Variants in PRKG1 observed in about 807,000 individuals in gnomAD.
The protein encoded by PRKG1 is protein kinase cGMP-dependent 1, also known as cGMP-dependent protein kinase 1.
Under a neutral mutation model 88.1 loss-of-function variants are expected in PRKG1, and 35 were observed. The observed-to-expected ratio is 0.40, with a 90% CI of 0.30 to 0.53. The LOEUF is 0.53. Ranked by LOEUF, PRKG1 falls within the 20% of genes least tolerant of loss-of-function variation. PRKG1 has a pLI of 0.59. For synonymous variants in PRKG1, 303 were observed against 292.5 expected (o/e 1.04, Z -0.37); for missense variants, 540 against 839.8 (o/e 0.64, Z 4.41).
chr10:51,832,649 A>G (rs1840031391), intron 4 of PRKG1, among the ~76,000 whole-genome samples: 2 of 152,146 alleles, frequency 1.3e-5, no homozygotes, highest in Admixed American at 1.3e-4. Context: ...CAGGAGAAAA[A>G]GCATGTACAT....
intron 2 of PRKG1, among the ~76,000 whole-genome samples, chr10:51,178,945 A>G (rs760272489): frequency 2.0e-5 from 3 of 151,972 alleles, no homozygotes; most frequent in Non-Finnish European, 2.9e-5. Context: ...ACTGAATAAG[A>G]GAGCTTAATG....
At chr10:52,191,622 C>G (rs533061089) in intron 9 of PRKG1, among the ~76,000 whole-genome samples, 44 of 152,156 alleles carry the variant, frequency 2.9e-4, no homozygotes, top group African/African-American at 9.4e-4. Context: ...ACTTTTTGGG[C>G]AAGAAGATTT....
chr10:51,593,268 A>G (rs1464462518), intron 3 of PRKG1, among the ~76,000 whole-genome samples: 2 of 152,178 alleles, frequency 1.3e-5, no homozygotes, highest in Admixed American at 1.3e-4. Context: ...TCTTCAAGAG[A>G]AATGCTGATT....
chr10:51,207,507 T>C (rs1838093273), intron 2 of PRKG1, among the ~76,000 whole-genome samples: 1 of 145,820 alleles, frequency 6.9e-6, no homozygotes, highest in Admixed American at 6.8e-5. Context: ...TTATTATTAT[T>C]TTTTTTTAAT....
intron 3 of PRKG1, among the ~76,000 whole-genome samples, chr10:51,775,792 C>T (rs1365328315): frequency 1.1e-4 from 16 of 152,040 alleles, no homozygotes; most frequent in Admixed American, 1.0e-3. Context: ...CCATGTTGCC[C>T]AGGCTGGTGT....
intron 3 of PRKG1, among the ~76,000 whole-genome samples, chr10:51,684,342 G>A (rs1056543005): frequency 6.6e-6 from 1 of 152,122 alleles, no homozygotes; most frequent in Non-Finnish European, 1.5e-5. Context: ...TAAAAGAGTA[G>A]GAAGTGGATC....
chr10:51,310,997 G>C (rs1009091369), intron 2 of PRKG1, among the ~76,000 whole-genome samples: 2 of 152,130 alleles, frequency 1.3e-5, no homozygotes, highest in African/African-American at 4.8e-5. Flanking sequence ...GCTGTTTCCA[G>C]CCTGTGCAGA....
At chr10:51,762,392 G>C (rs1838041801) in intron 3 of PRKG1, among the ~76,000 whole-genome samples, 1 of 152,134 alleles carries the variant, frequency 6.6e-6, no homozygotes, top group South Asian at 2.1e-4. Context: ...CAATGATAAA[G>C]CTCTTATTGA....
chr10:52,186,806 CA>C (rs1839212604), intron 9 of PRKG1, among the ~76,000 whole-genome samples: 1 of 151,964 alleles, frequency 6.6e-6, no homozygotes, highest in Admixed American at 6.6e-5. Context: ...TTTGGGAAAA[CA>C]ACACTAAAAT....
intron 2 of PRKG1, among the ~76,000 whole-genome samples, chr10:51,250,535 G>A (rs1034340377): frequency 6.6e-6 from 1 of 151,714 alleles, no homozygotes; most frequent in East Asian, 1.9e-4. Flanking sequence ...AATGTGTTGT[G>A]TCTCCCAGCT....
At chr10:52,276,407 G>A (rs1031347061) in intron 12 of PRKG1, among the ~76,000 whole-genome samples, 3 of 152,134 alleles carry the variant, frequency 2.0e-5, no homozygotes, top group African/African-American at 7.2e-5. Flanking sequence ...ACTCGTCAAT[G>A]AAAAAGGTGA....
intron 1 of PRKG1, among the ~76,000 whole-genome samples, chr10:51,109,020 A>G (rs1282387162): frequency 6.6e-6 from 1 of 152,178 alleles, no homozygotes; most frequent in African/African-American, 2.4e-5. Context: ...ACTTAGTGAT[A>G]AGTGTGACAA....
chr10:51,126,039 A>G (rs1357596934), intron 1 of PRKG1, among the ~76,000 whole-genome samples: 1 of 123,300 alleles, frequency 8.1e-6, no homozygotes, highest in Non-Finnish European at 1.6e-5. Context: ...ATTATATCTA[A>G]TATACTATAT....
intron 1 of PRKG1, among the ~76,000 whole-genome samples, chr10:51,002,173 T>C (rs745609357): frequency 6.6e-6 from 1 of 150,444 alleles, no homozygotes; most frequent in Non-Finnish European, 1.5e-5. Flanking sequence ...GGAAAATTAA[T>C]AGTAGTAAAA....
chr10:51,924,194 A>G (rs76023547), intron 5 of PRKG1, among the ~76,000 whole-genome samples: 8,358 of 152,136 alleles, frequency 0.055, 279 homozygotes, highest in Middle Eastern at 0.11. Flanking sequence ...TTCTCTGAAG[A>G]CCTTCTTTTA....
At chr10:51,169,847 C>G (rs542449792) in intron 2 of PRKG1, among the ~76,000 whole-genome samples, 1 of 152,064 alleles carries the variant, frequency 6.6e-6, no homozygotes, top group African/African-American at 2.4e-5. Context: ...GTGTCTGGCA[C>G]GTAGGAGTGG....
At chr10:51,822,057 A>G (rs1399663042) in intron 4 of PRKG1, among the ~76,000 whole-genome samples, 1 of 152,092 alleles carries the variant, frequency 6.6e-6, no homozygotes, top group Non-Finnish European at 1.5e-5. Context: ...ATCTGTGTCC[A>G]TCTACAAGAT....
intron 2 of PRKG1, among the ~76,000 whole-genome samples, chr10:51,174,533 GA>G (rs919663589): frequency 4.6e-5 from 7 of 151,902 alleles, no homozygotes; most frequent in Non-Finnish European, 1.0e-4. Flanking sequence ...GAAAAAGAAA[GA>G]AAAAAGTTTT....
At chr10:51,063,791 AATG>A (rs937892872) in intron 1 of PRKG1, among the ~76,000 whole-genome samples, 6 of 152,170 alleles carry the variant, frequency 3.9e-5, no homozygotes, top group Non-Finnish European at 5.9e-5. Context: ...TTATTTTTAT[AATG>A]ATTGTGTTAA....
Sources: allele counts gnomAD v4.1 joint callset (sites outside exome capture counted in the v4.1 genomes callset), GRCh38; gene constraint gnomAD v4.1.1; transcripts MANE v1.5; gene names NCBI Gene and HGNC (gene_info 2026-07-23, HGNC 2026-07-21).